The following ASCC2 variants were observed in gnomAD, a reference collection of about 807,000 sequenced individuals.
ASCC2 encodes the protein activating signal cointegrator 1 complex subunit 2.
In ASCC2, 42 loss-of-function variants were observed where a neutral mutation model predicts 93.5. The observed-to-expected ratio is 0.45, with a 90% confidence interval of 0.35 to 0.58. The LOEUF (loss-of-function observed/expected upper bound fraction) is 0.58. Ranked by LOEUF, ASCC2 falls within the 20% of genes least tolerant of loss-of-function variation. The pLI is 0.00. For synonymous variants in ASCC2, 364 were observed against 384.2 expected (o/e 0.95, Z 0.62); for missense variants, 859 against 977.6 (o/e 0.88, Z 1.62).
At chr22:29,830,624 G>A (rs371245633) in intron 2 of ASCC2, among the ~76,000 whole-genome samples, 1 of 152,088 alleles carries the variant, frequency 6.6e-6, no homozygotes, top group Admixed American at 6.5e-5. Context: ...CGGCGGCCCC[G>A]GCTCTGCACT....
At position 29,806,236 on chromosome 22, in the gene ASCC2, C is replaced by T; in HGVS notation, c.1140G>A (p.Leu380=). The change falls in exon 12 of 20, where the codon CTG becomes CTA. Residue 380 remains leucine, a synonymous_variant. Transcript: ENST00000307790. ...GATACAAGACTGATGAGGCCTGCTG[C>T]AGCAAGCTGATGTCTTCGGCCACGG... ...LFPVAEDISL[L]QQASSVLDET... The T allele has an allele frequency of 1.2e-6, 2 of 1,614,166 alleles. No individual in the cohort carries two copies. Among genetic ancestry groups the T allele is most frequent in the Non-Finnish European group, 1.7e-6 (2 of 1,180,034 alleles).
rs2062206622 is a variant in ASCC2 at position 29,825,665 on chromosome 22, A to G, written c.197T>C (p.Leu66Pro). ...GTGAGGCAAGGCCAGGAGCCAGTCG[A>G]GGTCATTGGCTACGAAGGTGGCGCG... ...LERATFVANDLDWLLALPHDK... is the reference protein window; with the variant it reads ...LERATFVANDPDWLLALPHDK... The change falls in exon 3 of 20, where the codon CTC becomes CCC. Residue 66 changes from leucine (L) to proline (P), a missense_variant. Leu to Pro is a moderately conservative substitution (Grantham distance 98). Coordinates refer to ENST00000307790, the MANE Select transcript of ASCC2 (RefSeq NM_032204.5). The surrounding 1 kb of genome is among the most constrained non-coding windows in gnomAD (Gnocchi z 4.9). 6.2e-7 allele frequency: 1 copy of G among 1,614,238 alleles called. No homozygotes were observed. Among genetic ancestry groups the G allele is most frequent in the Non-Finnish European group, 8.5e-7 (1 of 1,180,038 alleles).
chr22:29,836,422 G>A (rs1266534985), intron 1 of ASCC2: 2 of 140,854 alleles, frequency 1.4e-5, no homozygotes, highest in Middle Eastern at 3.8e-3. Flanking sequence ...CTACACTAAA[G>A]ATTTTAGTAT....
At chr22:29,833,506 A>G (rs1479320447) in intron 1 of ASCC2, 1 of 437,518 alleles carries the variant, frequency 2.3e-6, no homozygotes, top group East Asian at 7.4e-5. Flanking sequence ...GAAAACTGAC[A>G]GTGCAAGCTC....
In ASCC2 at chr22:29,806,780, A is replaced by G. The variant is rs1362035551; in HGVS notation, c.1016+17T>C. The G allele has an allele frequency of 1.3e-6, 2 of 1,591,750 alleles. No homozygotes were observed. Among genetic ancestry groups the G allele is most frequent in the East Asian group, 4.5e-5 (2 of 44,778 alleles). ...GGAGGAGACTCTTCCACCAGGAGGC[A>G]ATTCGTGAGGGCTTACCTGCTTTCT... On this transcript the variant is annotated intron_variant, in intron 10 of 19. Transcript: ENST00000307790.
chr22:29,833,656 A>C (rs762586623), intron 1 of ASCC2: 2 of 470,478 alleles, frequency 4.3e-6, no homozygotes, highest in African/African-American at 4.0e-5. Flanking sequence ...GAATCACGGA[A>C]TAGAAGTGTA....
chr22:29,789,494 C>G (rs867680792), intron 19 of ASCC2, among the ~76,000 whole-genome samples: 1 of 152,186 alleles, frequency 6.6e-6, no homozygotes, highest in Non-Finnish European at 1.5e-5. Context: ...TCAGGTGGGT[C>G]TCCTCCTTTC....
At chr22:29,826,054 T>A (rs928467633) in intron 2 of ASCC2, 35 of 304,716 alleles carry the variant, frequency 1.1e-4, no homozygotes, top group Non-Finnish European at 1.8e-4. Flanking sequence ...CTGTTTAATA[T>A]AATCAGTTTT....
intron 2 of ASCC2, among the ~76,000 whole-genome samples, chr22:29,829,650 G>A (rs1010712256): frequency 6.6e-6 from 1 of 151,778 alleles, no homozygotes; most frequent in Non-Finnish European, 1.5e-5. Context: ...AGTGAGCCGA[G>A]ATCGCGCCAC....
At chr22:29,827,468 G>A (rs1044121123) in intron 2 of ASCC2, 1 of 416,594 alleles carries the variant, frequency 2.4e-6, no homozygotes. Context: ...TGCCTTCCTA[G>A]TGCCTTACGC....
intron 5 of ASCC2, among the ~76,000 whole-genome samples, chr22:29,821,554 A>C (rs2061553067): frequency 2.0e-5 from 3 of 152,254 alleles, no homozygotes; most frequent in Non-Finnish European, 1.5e-5. Context: ...TCCAATTGAC[A>C]TAACATATGT....
chr22:29,788,721 G>A lies in ASCC2; in HGVS notation c.*292C>T. On this transcript the variant is annotated 3_prime_UTR_variant, in exon 20 of 20. Coordinates refer to ENST00000307790, the MANE Select transcript of ASCC2 (RefSeq NM_032204.5). ...GGTGTCTTGTGGCCCGAGGTTTGGG[G>A]CGCTTGCCTTGGGACTCCATCCCCA... 1 of 455,050 alleles carries A rather than the reference G, an allele frequency of 2.2e-6. No individual in the cohort carries two copies. Among genetic ancestry groups the A allele is most frequent in the Non-Finnish European group, 4.0e-6 (1 of 248,906 alleles). 28.2% of individuals were successfully genotyped at this position (455,050 alleles called of 1,614,324 possible). A position where few individuals can be genotyped will look rare whatever the true frequency, so the allele number is the denominator to read the frequency against.
intron 8 of ASCC2, among the ~76,000 whole-genome samples, chr22:29,811,971 GAA>G (rs1318272598): frequency 6.6e-6 from 1 of 152,168 alleles, no homozygotes; most frequent in Admixed American, 6.5e-5. Flanking sequence ...TTTATCATGA[GAA>G]AAGATACCTT....
chr22:29,792,294 G>T, intron 18 of ASCC2, 139 bp downstream of exon 18: 1 of 1,451,876 alleles, frequency 6.9e-7, no homozygotes, highest in Non-Finnish European at 9.2e-7. Flanking sequence ...GACATCCTGG[G>T]CTCAAAGGGA....
intron 8 of ASCC2, among the ~76,000 whole-genome samples, chr22:29,809,149 T>C (rs1271065913): frequency 1.4e-5 from 2 of 147,492 alleles, no homozygotes; most frequent in African/African-American, 5.0e-5. Context: ...AAATTTAACA[T>C]GAAAATCTCA....
intron 15 of ASCC2, among the ~76,000 whole-genome samples, chr22:29,800,017 G>C (rs2058895912): frequency 1.3e-5 from 2 of 152,148 alleles, no homozygotes; most frequent in South Asian, 4.1e-4. Flanking sequence ...CGAACTCCTG[G>C]ACTCAAGTGA....
chr22:29,828,073 A>G (rs1175111769), intron 2 of ASCC2, among the ~76,000 whole-genome samples: 2 of 152,252 alleles, frequency 1.3e-5, no homozygotes, highest in Non-Finnish European at 2.9e-5. Context: ...GACAGCTCAA[A>G]CCTGGCAGAG....
chr22:29,805,851 G>C (rs753408302), intron 12 of ASCC2, among the ~76,000 whole-genome samples: 3 of 151,654 alleles, frequency 2.0e-5, no homozygotes, highest in Non-Finnish European at 4.4e-5. Context: ...TGCTGGGTGA[G>C]GCGCCACCTC....
chr22:29,791,063 G>C (rs1364833079), intron 18 of ASCC2, among the ~76,000 whole-genome samples: 1 of 152,060 alleles, frequency 6.6e-6, no homozygotes, highest in South Asian at 2.1e-4. Flanking sequence ...ACAGGCTTTG[G>C]TGGCCAGTAG....
Sources: allele counts gnomAD v4.1 joint callset (sites outside exome capture counted in the v4.1 genomes callset), GRCh38; gene constraint gnomAD v4.1.1; non-coding constraint Gnocchi (gnomAD v3.1); transcripts MANE v1.5; gene names NCBI Gene and HGNC (gene_info 2026-07-23, HGNC 2026-07-21).